The following QTMAN variants were observed in gnomAD, a reference collection of about 807,000 sequenced individuals.
QTMAN encodes tRNA-queuosine alpha-mannosyltransferase.
chr2:143,991,746 C>T, the QTMAN span, among the ~76,000 whole-genome samples: 3 of 148,728 alleles, frequency 2.0e-5, no homozygotes, highest in East Asian at 6.2e-4. Flanking sequence ...GGGGGGTCAG[C>T]CCCCCGCCCC....
At chr2:143,993,438 G>C in the QTMAN span, among the ~76,000 whole-genome samples, 1 of 151,606 alleles carries the variant, frequency 6.6e-6, no homozygotes, top group Non-Finnish European at 1.5e-5. Context: ...TTGCAGATAT[G>C]ATTAAGCATC....
chr2:143,995,801 G>C, the QTMAN span, among the ~76,000 whole-genome samples: 3 of 152,138 alleles, frequency 2.0e-5, no homozygotes, highest in Non-Finnish European at 2.9e-5. Context: ...TGTCTTTAGT[G>C]TTGACTGCTC....
the QTMAN span, among the ~76,000 whole-genome samples, chr2:144,033,007 T>C: frequency 6.6e-6 from 1 of 152,154 alleles, no homozygotes; most frequent in Non-Finnish European, 1.5e-5. Flanking sequence ...TATTATCCCA[T>C]GGAAAAGATG....
the QTMAN span, among the ~76,000 whole-genome samples, chr2:144,304,445 A>T: frequency 6.6e-6 from 1 of 152,202 alleles, no homozygotes; most frequent in Non-Finnish European, 1.5e-5. Context: ...CCATCAGCAA[A>T]CCAAAAATTA....
the QTMAN span, among the ~76,000 whole-genome samples, chr2:144,214,885 A>C: frequency 6.6e-6 from 1 of 152,166 alleles, no homozygotes; most frequent in African/African-American, 2.4e-5. Flanking sequence ...TATTTGTGAT[A>C]ATTTAATTTT....
the QTMAN span, among the ~76,000 whole-genome samples, chr2:144,325,368 C>A: frequency 6.6e-6 from 1 of 152,082 alleles, no homozygotes; most frequent in Non-Finnish European, 1.5e-5. Context: ...TTATACTCGT[C>A]ACAGAATACC....
chr2:144,142,061 A>G, the QTMAN span: 1 of 1,604,322 alleles, frequency 6.2e-7, no homozygotes, highest in Non-Finnish European at 8.5e-7. Context: ...CCAGGCTGTA[A>G]AGGTAAAAGA....
chr2:144,098,329 C>T, the QTMAN span, among the ~76,000 whole-genome samples: 1 of 152,214 alleles, frequency 6.6e-6, no homozygotes, highest in Non-Finnish European at 1.5e-5. Context: ...CATAGCTCAA[C>T]AATGTGAGTA....
chr2:143,983,219 G>C, the QTMAN span, among the ~76,000 whole-genome samples: 1 of 152,038 alleles, frequency 6.6e-6, no homozygotes, highest in Non-Finnish European at 1.5e-5. Context: ...TCACTTCAAG[G>C]AACAGTTGAG....
the QTMAN span, among the ~76,000 whole-genome samples, chr2:144,144,684 A>G: frequency 6.6e-6 from 1 of 151,976 alleles, no homozygotes; most frequent in African/African-American, 2.4e-5. Context: ...AAATGATTGT[A>G]GGAAAACATT....
the QTMAN span, among the ~76,000 whole-genome samples, chr2:144,066,766 A>T: frequency 2.0e-5 from 3 of 152,214 alleles, no homozygotes; most frequent in Non-Finnish European, 4.4e-5. Context: ...CAGTGAGCTG[A>T]GATCTCGCCA....
At chr2:143,963,461 G>C in the QTMAN span, among the ~76,000 whole-genome samples, 1 of 151,140 alleles carries the variant, frequency 6.6e-6, no homozygotes, top group Non-Finnish European at 1.5e-5. Flanking sequence ...TTGTATTTCT[G>C]CTTCTCCATT....
the QTMAN span, among the ~76,000 whole-genome samples, chr2:144,232,162 T>C: frequency 6.6e-6 from 1 of 152,172 alleles, no homozygotes; most frequent in Non-Finnish European, 1.5e-5. Flanking sequence ...ACTGTAGCAT[T>C]TATTACATGT....
chr2:144,234,812 G>A, the QTMAN span, among the ~76,000 whole-genome samples: 3 of 152,140 alleles, frequency 2.0e-5, no homozygotes, highest in Non-Finnish European at 1.5e-5. Flanking sequence ...AACAAGTCAC[G>A]ATCTGTGTTG....
chr2:144,307,188 TA>T, the QTMAN span, among the ~76,000 whole-genome samples: 1,459 of 81,206 alleles, frequency 0.018, 7 homozygotes, highest in Middle Eastern at 0.053. Flanking sequence ...AAAAAACAAT[TA>T]AAAAAAAAAA....
the QTMAN span, chr2:143,941,108 G>A: frequency 6.6e-6 from 1 of 152,186 alleles, no homozygotes; most frequent in African/African-American, 2.4e-5. Flanking sequence ...ACAGCCTACT[G>A]AAAGAGCCCT....
At chr2:144,048,530 T>C in the QTMAN span, among the ~76,000 whole-genome samples, 1 of 152,144 alleles carries the variant, frequency 6.6e-6, no homozygotes, top group South Asian at 2.1e-4. Context: ...ATTATTAAAA[T>C]TGAGATTATA....
the QTMAN span, among the ~76,000 whole-genome samples, chr2:143,984,185 G>C: frequency 1.3e-5 from 2 of 152,298 alleles, no homozygotes; most frequent in African/African-American, 4.8e-5. Flanking sequence ...AATTGGGGGA[G>C]TAAACTGTTA....
chr2:143,947,098 C>T, the QTMAN span: 4 of 1,613,794 alleles, frequency 2.5e-6, no homozygotes, highest in African/African-American at 4.0e-5. Context: ...CCTGAATTTA[C>T]CATGTAGGGC....
Sources: gnomAD v4.1 joint callset for allele counts (sites outside exome capture counted in the v4.1 genomes callset) on GRCh38, gnomAD v4.1.1 for gene constraint, MANE v1.5 for transcripts, NCBI Gene and HGNC (gene_info 2026-07-23, HGNC 2026-07-21) for gene names.